KRT10: variants seen among roughly 807,000 people sequenced by gnomAD.
KRT10 encodes the protein keratin 10, also known as keratin, type I cytoskeletal 10.
KRT10 carries 40 observed loss-of-function variants against 59.2 expected under a neutral mutation model. That is an observed-to-expected ratio of 0.68 (90% CI 0.52 to 0.88). KRT10 has a LOEUF of 0.88. KRT10 is among the 40% of genes least tolerant of loss of function. The probability of loss-of-function intolerance (pLI) is 0.00; values close to 1 mark genes in which losing one functional copy is unlikely to be tolerated. For synonymous variants in KRT10, 336 were observed against 310.7 expected (o/e 1.08, Z -0.86); for missense variants, 719 against 749.1 (o/e 0.96, Z 0.47).
rs1374004174 is a variant in KRT10, at chr17:40,818,936, GCCA to G, written c.1596_1598del (p.Gly533del). 3.0e-6 allele frequency: 4 copies of G among 1,322,422 alleles called. No individual in the cohort carries two copies. Among genetic ancestry groups the G allele is most frequent in the African/African-American group, 4.2e-5 (2 of 48,084 alleles). 81.9% of individuals were successfully genotyped at this position (1,322,422 alleles called of 1,614,324 possible). ...AGCCGCCGCCGCCGCCGCCGGAACT[GCCA>G]CCACCGTAGCCGCCGCTGGAACTGC... On this transcript the variant is annotated inframe_deletion, in exon 7 of 8. Transcript: ENST00000269576.
In KRT10 at chr17:40,821,835, T is replaced by G. The variant is rs558502300; in HGVS notation, c.627+124A>C. The G allele has an allele frequency of 2.0e-4, 206 of 1,042,314 alleles. 1 individual carries two copies. The highest frequency in any genetic ancestry group is 5.3e-4 in the East Asian group (22 of 41,560). 64.6% of individuals were successfully genotyped at this position (1,042,314 alleles called of 1,614,324 possible). A position where few individuals can be genotyped will look rare whatever the true frequency, so the allele number is the denominator to read the frequency against. On this transcript the variant is annotated intron_variant, in intron 1 of 7. Transcript: ENST00000269576. Reference sequence around the variant, plus strand: ...GTTTATCTTTGATGAGACTGGGTTATTTTTGAAGGAAGAAAGTAACATGGG... The same window carrying G: ...GTTTATCTTTGATGAGACTGGGTTAGTTTTGAAGGAAGAAAGTAACATGGG...
At chr17:40,818,638 CTG>C in intron 7 of KRT10, 147 bp downstream of exon 7, 1 of 1,375,216 alleles carries the variant, frequency 7.3e-7, no homozygotes, top group Non-Finnish European at 1.0e-6. Flanking sequence ...TTTTTCACGG[CTG>C]GTGTTAAGAG....
At chr17:40,819,841 C>G in intron 5 of KRT10, 107 bp from the exon 6 acceptor site, 1 of 1,179,910 alleles carries the variant, frequency 8.5e-7, no homozygotes, top group Non-Finnish European at 1.3e-6. Context: ...AGAAAATGAA[C>G]AGAATTTGTT....
At chr17:40,819,270 A>C in intron 6 of KRT10, 109 bp from the exon 7 acceptor site, 1 of 1,561,170 alleles carries the variant, frequency 6.4e-7, no homozygotes, top group Non-Finnish European at 8.6e-7. Context: ...AAAAAATAAA[A>C]CCCTGCCAGG....
At position 40,819,002 on chromosome 17, in the gene KRT10, GCCGCCGGAGCTT is replaced by G; in HGVS notation, c.1521_1532del (p.Ser508_Gly511del). The G allele has an allele frequency of 1.6e-6, 2 of 1,279,488 alleles. No homozygotes were observed. Among genetic ancestry groups the G allele is most frequent in the South Asian group, 1.7e-5 (1 of 57,394 alleles). 79.3% of individuals were successfully genotyped at this position (1,279,488 alleles called of 1,614,324 possible). On this transcript the variant is annotated inframe_deletion, in exon 7 of 8. Transcript: ENST00000269576. ...CGCTGGAGCTTCCGCCCCCGTAGCC[GCCGCCGGAGCTT>G]CCGCCGCCGGAGCTTCCGCCTCCGT...
Position 40,819,022 on chromosome 17 carries a change from C to A in KRT10, c.1513G>T (p.Gly505Cys). 1.5e-6 allele frequency: 2 copies of A among 1,362,384 alleles called. No individual in the cohort carries two copies. The highest frequency in any genetic ancestry group is 1.9e-6 in the Non-Finnish European group (2 of 1,045,692). 84.4% of individuals were successfully genotyped at this position (1,362,384 alleles called of 1,614,324 possible). ...SGGGYGGGSS[G>C]GGSSGGGYGG... ...TAGCCGCCGCCGGAGCTTCCGCCGCCGGAGCTTCCGCCTCCGTAGCCGCCG... is the reference window on the plus strand; with the variant it reads ...TAGCCGCCGCCGGAGCTTCCGCCGCAGGAGCTTCCGCCTCCGTAGCCGCCG... Residue 505 changes from glycine to cysteine, a missense_variant, in exon 7 of 8, where the codon GGC becomes TGC. Transcript: ENST00000269576.
Position 40,820,682 on chromosome 17 carries a change from A to AT in KRT10, c.711-16dup. On this transcript the variant is annotated splice_polypyrimidine_tract_variant and intron_variant, in intron 2 of 7. Transcript: ENST00000269576. ...CATTCTCATACCTGAAACAAGCATG[A>AT]TATCAATACTGGTTATAACTTATAT... 12 of 1,614,040 alleles carry AT rather than the reference A, an allele frequency of 7.4e-6. No individual in the cohort carries two copies. Among genetic ancestry groups the AT allele is most frequent in the Middle Eastern group, 3.3e-4 (2 of 6,062 alleles).
intron 1 of KRT10, among the ~76,000 whole-genome samples, chr17:40,821,639 A>G (rs1215794703): frequency 6.6e-6 from 1 of 152,030 alleles, no homozygotes; most frequent in Non-Finnish European, 1.5e-5. Context: ...TCTGATTCAT[A>G]TCATGATTTT....
Position 40,818,954 on chromosome 17 carries a change from G to C in KRT10, c.1581C>G (p.Ser527Arg). ...SSSGGHGGSS[S>R]GGYGGGSSGG... ...CGGAACTGCCACCACCGTAGCCGCCGCTGGAACTGCCGCCGTGGCCGCCGC... is the reference window on the plus strand; with the variant it reads ...CGGAACTGCCACCACCGTAGCCGCCCCTGGAACTGCCGCCGTGGCCGCCGC... Residue 527 changes from serine (S) to arginine (R), a missense_variant, in exon 7 of 8, where the codon AGC (serine) becomes AGG (arginine). Around this residue, in one of 4 missense-constraint regions of KRT10, gnomAD observed 315 missense variants for 270.6 expected, o/e 1.16. Transcript: ENST00000269576. 1 of 1,396,788 alleles carries C rather than the reference G, an allele frequency of 7.2e-7. No homozygotes were observed. Among genetic ancestry groups the C allele is most frequent in the Non-Finnish European group, 9.3e-7 (1 of 1,076,302 alleles). The allele number at this position is 1,396,788 out of a possible 1,614,324, so 86.5% of individuals were successfully genotyped here. A position where few individuals can be genotyped will look rare whatever the true frequency, so the allele number is the denominator to read the frequency against.
intron 5 of KRT10, 52 bp from the exon 6 acceptor site, chr17:40,819,786 G>A (rs764525106): frequency 2.9e-5 from 42 of 1,439,296 alleles, no homozygotes; most frequent in Non-Finnish European, 4.1e-5. Flanking sequence ...GTTGAGTATG[G>A]TGACGCTTAT....
chr17:40,819,382 T>TA (rs765075192), intron 6 of KRT10, 135 bp downstream of exon 6: 2 of 1,269,376 alleles, frequency 1.6e-6, no homozygotes, highest in Non-Finnish European at 2.2e-6. Flanking sequence ...TGCGGTTGCG[T>TA]ACTCCTTTTT....
At position 40,820,131 on chromosome 17, in the gene KRT10, A is replaced by G; in HGVS notation, c.1073T>C (p.Ile358Thr). Reference sequence around the variant, plus strand: ...AGTAATCTCAGATTTATAGCTGGATATCTGTTCAATGTTATTATCAATTTC... The same window carrying G: ...AGTAATCTCAGATTTATAGCTGGATGTCTGTTCAATGTTATTATCAATTTC... ...TTEIDNNIEQISSYKSEITEL... is the reference protein window; with the variant it reads ...TTEIDNNIEQTSSYKSEITEL... Residue 358 changes from isoleucine to threonine, a missense_variant, in exon 5 of 8, where the codon ATA becomes ACA. By Grantham distance (89) the Ile-to-Thr change is moderately conservative (BLOSUM62 -1). This residue lies in a region of KRT10 where 221 missense variants were observed against 277.8 expected (regional missense o/e 0.80). Transcript: ENST00000269576. 1 of 1,613,816 alleles carries G rather than the reference A, an allele frequency of 6.2e-7. No homozygotes were observed. The highest frequency in any genetic ancestry group is 1.1e-5 in the South Asian group (1 of 91,064).
At position 40,818,828 on chromosome 17, in the gene KRT10, G is replaced by A. The variant is rs750311246; in HGVS notation, c.1707C>T (p.Ser569=). The part of the protein sequence containing the change: ...GGSSSGGHKS[S]SSGSVGESSS... ...AAGACTCGCCCACGGACCCGGAAGA[G>A]GAGGACTTGTGGCCTCCGCTGGAGC... The change falls in exon 7 of 8, where the codon TCC becomes TCT. Residue 569 remains serine, a synonymous_variant. Transcript: ENST00000269576. The A allele has an allele frequency of 1.9e-6, 3 of 1,597,556 alleles. No homozygotes were observed. Among genetic ancestry groups the A allele is most frequent in the South Asian group, 1.1e-5 (1 of 91,006 alleles).
At position 40,819,038 on chromosome 17, in the gene KRT10, G is replaced by GCCGCCGGAGC; in HGVS notation, c.1496_1497insGCTCCGGCGG (p.Tyr499Ter). On this transcript the variant is annotated stop_gained and frameshift_variant, in exon 7 of 8. Coordinates refer to ENST00000269576, the MANE Select transcript of KRT10 (RefSeq NM_000421.5). LOFTEE classifies it high-confidence loss of function. ...TTCCGCCGCCGGAGCTTCCGCCTCC[G>GCCGCCGGAGC]TAGCCGCCGCCGGAACTGCCGCCGT... 1 of 1,379,430 alleles carries GCCGCCGGAGC rather than the reference G, an allele frequency of 7.2e-7. No individual in the cohort carries two copies. The highest frequency in any genetic ancestry group is 9.5e-7 in the Non-Finnish European group (1 of 1,057,578). The allele number at this position is 1,379,430 out of a possible 1,614,324, so 85.4% of individuals were successfully genotyped here.
rs746598944 is a variant in KRT10 at position 40,819,102 on chromosome 17, G to T, written c.1433C>A (p.Ser478Tyr). 8.8e-6 allele frequency: 13 copies of T among 1,470,908 alleles called. No homozygotes were observed. Among genetic ancestry groups the T allele is most frequent in the East Asian group, 5.9e-5 (2 of 34,030 alleles). 91.1% of individuals were successfully genotyped at this position (1,470,908 alleles called of 1,614,324 possible). The change falls in exon 7 of 8, where the codon TCC becomes TAC. Residue 478 changes from serine (S) to tyrosine (Y), a missense_variant. By Grantham distance (144) the Ser-to-Tyr change is moderately radical. Coordinates refer to ENST00000269576, the MANE Select transcript of KRT10 (RefSeq NM_000421.5). ...SFGGGYGGGS[S>Y]GGGSSGGGHG... ...GCCGCCGCCGGAGCTTCCGCCGCCG[G>T]AGCTTCCGCCGCCGTAGCCGCCGCC...
chr17:40,819,119 GCCGCCGCCGAAACTTCCGCCGCCGCGT>G lies in KRT10; in HGVS notation c.1389_1415del (p.Arg464_Gly472del). On this transcript the variant is annotated inframe_deletion, in exon 7 of 8. Coordinates refer to ENST00000269576, the MANE Select transcript of KRT10 (RefSeq NM_000421.5). The stretch of plus-strand genomic sequence containing the variant: ...CGCCGCCGGAGCTTCCGCCGCCGTA[GCCGCCGCCGAAACTTCCGCCGCCGCGT>G]CCGCCGCCTCCGGAACTAAACGGGG... 1 of 1,524,000 alleles carries G rather than the reference GCCGCCGCCGAAACTTCCGCCGCCGCGT, an allele frequency of 6.6e-7. No homozygotes were observed. The highest frequency in any genetic ancestry group is 2.0e-5 in the Admixed American group (1 of 50,586). 94.4% of individuals were successfully genotyped at this position (1,524,000 alleles called of 1,614,324 possible).
At chr17:40,820,009 G>A (rs1277952424) in intron 5 of KRT10, 40 bp downstream of exon 5, 1 of 1,608,612 alleles carries the variant, frequency 6.2e-7, no homozygotes, top group Non-Finnish European at 8.5e-7. Flanking sequence ...ATGAAACTTT[G>A]TATGATAAAG....
Position 40,818,989 on chromosome 17 carries a change from C to G in KRT10, c.1546G>C (p.Gly516Arg), listed in dbSNP as rs1242309268. 1 of 1,378,842 alleles carries G rather than the reference C, an allele frequency of 7.3e-7. No homozygotes were observed. Among genetic ancestry groups the G allele is most frequent in the Non-Finnish European group, 9.4e-7 (1 of 1,066,264 alleles). 85.4% of individuals were successfully genotyped at this position (1,378,842 alleles called of 1,614,324 possible). The change falls in exon 7 of 8, where the codon GGA becomes CGA. Residue 516 changes from glycine (G) to arginine (R), a missense_variant. By Grantham distance (125) the Gly-to-Arg change is moderately radical. This residue lies in a region of KRT10 where 315 missense variants were observed against 270.6 expected (regional missense o/e 1.16). Coordinates refer to ENST00000269576, the MANE Select transcript of KRT10 (RefSeq NM_000421.5). ...GGSSGGGYGG[G>R]SSSGGHGGSS... is the part of the protein sequence containing the mutation. ...CCGCCGTGGCCGCCGCTGGAGCTTC[C>G]GCCCCCGTAGCCGCCGCCGGAGCTT... is the stretch of plus-strand genomic sequence containing the variant.
In KRT10 at chr17:40,822,245, C is replaced by T; in HGVS notation, c.341G>A (p.Gly114Glu). The part of the protein sequence containing the change: ...GGSFGGGSFG[G>E]GSFGGGGFGG... ...AAAGCCGCCTCCACCAAAGCTGCCCCCACCAAAGCTGCCACCTCCGAAACT... is the reference window on the plus strand; with the variant it reads ...AAAGCCGCCTCCACCAAAGCTGCCCTCACCAAAGCTGCCACCTCCGAAACT... The change falls in exon 1 of 8, where the codon GGG (glycine) becomes GAG (glutamate). Residue 114 changes from glycine to glutamate, a missense_variant. Coordinates refer to ENST00000269576, the MANE Select transcript of KRT10 (RefSeq NM_000421.5). 6.8e-6 allele frequency: 11 copies of T among 1,608,570 alleles called. No homozygotes were observed. The South Asian group carries it at 7.7e-5, about 11-fold the overall frequency.
Sources: allele counts gnomAD v4.1 joint callset (sites outside exome capture counted in the v4.1 genomes callset), GRCh38; gene constraint gnomAD v4.1.1; regional missense constraint gnomAD v4.1.1; transcripts MANE v1.5; gene names NCBI Gene and HGNC (gene_info 2026-07-23, HGNC 2026-07-21).